EYA4: variants seen among roughly 807,000 people sequenced by gnomAD.
EYA4 encodes protein phosphatase EYA4.
Under a neutral mutation model 87.9 loss-of-function variants are expected in EYA4, and 31 were observed. The observed-to-expected ratio is 0.35, with a 90% CI of 0.27 to 0.48. The LOEUF (loss-of-function observed/expected upper bound fraction) is 0.48, where lower values mean the gene tolerates loss of function less well. Among genes scored for constraint, EYA4 ranks in the 20% least tolerant of loss-of-function variants. EYA4 has a pLI of 0.99. For missense variants in EYA4, 678 were observed against 761.4 expected (o/e 0.89, Z 1.29); for synonymous variants, 263 against 270.6 (o/e 0.97, Z 0.28).
chr6:133,346,387 G>A (rs897174365), intron 2 of EYA4, among the ~76,000 whole-genome samples: 1 of 152,102 alleles, frequency 6.6e-6, no homozygotes, highest in Admixed American at 6.5e-5. Context: ...GTAGTCAGAC[G>A]AAGTCGTATT....
At chr6:133,256,559 T>C in intron 1 of EYA4, among the ~76,000 whole-genome samples, 1 of 152,076 alleles carries the variant, frequency 6.6e-6, no homozygotes, top group Non-Finnish European at 1.5e-5. Flanking sequence ...TAAATGACAT[T>C]ACTCCATTAT....
intron 5 of EYA4, among the ~76,000 whole-genome samples, chr6:133,454,501 C>T (rs983609058): frequency 4.6e-5 from 7 of 152,184 alleles, no homozygotes; most frequent in Non-Finnish European, 1.0e-4. Flanking sequence ...CTAGCTCTTA[C>T]AAGCTTTGTG....
At chr6:133,464,682 A>G in intron 9 of EYA4, 97 bp from the exon 10 acceptor site, 1 of 821,322 alleles carries the variant, frequency 1.2e-6, no homozygotes, top group Non-Finnish European at 2.0e-6. Context: ...TTCACGACAA[A>G]TTTCAAAGTG....
intron 2 of EYA4, among the ~76,000 whole-genome samples, chr6:133,325,901 T>C (rs896606825): frequency 2.0e-5 from 3 of 152,346 alleles, no homozygotes; most frequent in Admixed American, 6.5e-5. Context: ...TGCCAGCCAC[T>C]CCTTGCCACA....
At chr6:133,268,348 A>C (rs1297637234) in intron 1 of EYA4, among the ~76,000 whole-genome samples, 1 of 152,206 alleles carries the variant, frequency 6.6e-6, no homozygotes, top group African/African-American at 2.4e-5. Flanking sequence ...TTATGTAGGC[A>C]ATGAATTGTA....
intron 2 of EYA4, among the ~76,000 whole-genome samples, chr6:133,342,586 TATATA>T (rs1782870184): frequency 1.1e-5 from 1 of 92,174 alleles, no homozygotes; most frequent in African/African-American, 4.3e-5. Flanking sequence ...TATATATATA[TATATA>T]TATATATATA....
intron 2 of EYA4, among the ~76,000 whole-genome samples, chr6:133,362,304 C>T (rs1175090292): frequency 6.6e-6 from 1 of 152,088 alleles, no homozygotes; most frequent in African/African-American, 2.4e-5. Context: ...AAGAGAAAAG[C>T]TCCCATAGGA....
intron 1 of EYA4, chr6:133,247,008 CATTTTGTTTTA>C (rs1167658894): frequency 6.6e-6 from 1 of 151,994 alleles, no homozygotes; most frequent in Non-Finnish European, 1.5e-5. Context: ...GGTACCTGAA[CATTTTGTTTTA>C]ATAATACTTA....
chr6:133,338,903 T>C (rs556314424), intron 2 of EYA4, among the ~76,000 whole-genome samples: 1 of 152,172 alleles, frequency 6.6e-6, no homozygotes, highest in East Asian at 1.9e-4. Flanking sequence ...ACTAAAAATA[T>C]AAACCCTTAA....
chr6:133,367,453 C>T (rs895562583), intron 2 of EYA4, among the ~76,000 whole-genome samples: 4 of 152,312 alleles, frequency 2.6e-5, no homozygotes, highest in African/African-American at 4.8e-5. Flanking sequence ...TAACAGGTGT[C>T]ATTACTGACT....
chr6:133,243,119 T>TGTGTGTGTGTGTG (rs1554206020), intron 1 of EYA4, among the ~76,000 whole-genome samples: 3 of 142,242 alleles, frequency 2.1e-5, no homozygotes, highest in Non-Finnish European at 4.6e-5. Flanking sequence ...TGTGTGTGTG[T>TGTGTGTGTGTGTG]TGTGTACTTG....
At chr6:133,378,925 T>TGG (rs1249626701) in intron 2 of EYA4, among the ~76,000 whole-genome samples, 4 of 91,600 alleles carry the variant, frequency 4.4e-5, no homozygotes, top group South Asian at 3.7e-4. Context: ...CTTTCTGTCT[T>TGG]GGTGTGTGTG....
At position 133,294,055 on chromosome 6, in the gene EYA4, ATATATAT is replaced by A. The variant is rs1562257656; in HGVS notation, c.33+19243_33+19249del. On this transcript the variant is annotated intron_variant, in intron 2 of 19. Transcript: ENST00000355286. ...TATATATATATATATATATATATAT[ATATATAT>A]AATTCTATTCTATATATAACATTCT... 2.2e-4 allele frequency among the ~76,000 whole-genome samples: 28 copies of A among 129,574 alleles called. 1 individual carries two copies. The highest frequency in any genetic ancestry group is 2.1e-4 in the East Asian group (1 of 4,754). 85.0% of individuals were successfully genotyped at this position (129,574 alleles called of 152,430 possible). A position where few individuals can be genotyped will look rare whatever the true frequency, so the allele number is the denominator to read the frequency against.
rs562515373 is a variant in EYA4 at position 133,337,349 on chromosome 6, G to A, written c.34-45043G>A. 4.0e-5 allele frequency among the ~76,000 whole-genome samples: 6 copies of A among 151,402 alleles called. No individual in the cohort carries two copies. In the South Asian group the frequency reaches 1.0e-3, roughly 26 times the overall value. ...ATGAGAAATGAATAAATTTTAGGTG[G>A]TAAAAAATGACTGGACTTCATATTA... On this transcript the variant is annotated intron_variant, in intron 2 of 19. Transcript: ENST00000355286.
At chr6:133,450,423 T>C (rs1793319552) in intron 5 of EYA4, among the ~76,000 whole-genome samples, 1 of 152,232 alleles carries the variant, frequency 6.6e-6, no homozygotes, top group Non-Finnish European at 1.5e-5. Context: ...CATAAAATTA[T>C]AACAAAACAA....
chr6:133,357,754 C>A (rs1039742482), intron 2 of EYA4, among the ~76,000 whole-genome samples: 1 of 152,006 alleles, frequency 6.6e-6, no homozygotes, highest in Non-Finnish European at 1.5e-5. Context: ...TGTGTTTGTT[C>A]TGTATTAATG....
intron 2 of EYA4, among the ~76,000 whole-genome samples, chr6:133,294,627 G>C (rs1030320169): frequency 6.6e-6 from 1 of 151,976 alleles, no homozygotes; most frequent in Non-Finnish European, 1.5e-5. Flanking sequence ...GAGTGCAGTG[G>C]TGCGATCTCG....
At position 133,320,384 on chromosome 6, in the gene EYA4, A is replaced by G. The variant is rs867262311; in HGVS notation, c.33+45571A>G. ...AGCATGTTATAAATGCTCACTGAAT[A>G]ATTCTCATTGTTAATTAGAGTTTGG... is the stretch of plus-strand genomic sequence containing the variant. On this transcript the variant is annotated intron_variant, in intron 2 of 19. Transcript: ENST00000355286. Among the ~76,000 whole-genome samples the G allele has an allele frequency of 2.6e-5, 4 of 152,034 alleles. No individual in the cohort carries two copies. The South Asian group carries it at 8.3e-4, about 31-fold the overall frequency.
chr6:133,480,230 C>T (rs1224811174), intron 11 of EYA4, among the ~76,000 whole-genome samples: 2 of 152,134 alleles, frequency 1.3e-5, no homozygotes, highest in African/African-American at 2.4e-5. Flanking sequence ...TAGGAGAGTG[C>T]AAGGTATCAG....
Sources: gnomAD v4.1 joint callset for allele counts (sites outside exome capture counted in the v4.1 genomes callset) on GRCh38, gnomAD v4.1.1 for gene constraint, MANE v1.5 for transcripts, NCBI Gene and HGNC (gene_info 2026-07-23, HGNC 2026-07-21) for gene names.